Variants in KCNH7 observed in about 807,000 individuals in gnomAD.
The protein encoded by KCNH7 is voltage-gated inwardly rectifying potassium channel KCNH7.
KCNH7 carries 49 observed loss-of-function variants against 120.8 expected under a neutral mutation model. That is an observed-to-expected ratio of 0.41 (90% confidence interval 0.32 to 0.51). KCNH7 has a LOEUF of 0.51. Ranked by LOEUF, KCNH7 falls within the 20% of genes least tolerant of loss-of-function variation. The pLI is 0.38. For synonymous variants in KCNH7, 547 were observed against 516.1 expected, an observed-to-expected ratio of 1.06 and a Z score of -0.81; for missense variants, 1,097 against 1,446.6, an observed-to-expected ratio of 0.76 and a Z score of 3.92.
chr2:162,735,337 G>C (rs953740347), intron 2 of KCNH7, among the ~76,000 whole-genome samples: 1 of 152,088 alleles, frequency 6.6e-6, no homozygotes, highest in Non-Finnish European at 1.5e-5. Flanking sequence ...CACATGACAA[G>C]GTTAAAATTA....
At chr2:162,653,331 C>A (rs1371954026) in intron 2 of KCNH7, among the ~76,000 whole-genome samples, 1 of 152,242 alleles carries the variant, frequency 6.6e-6, no homozygotes, top group East Asian at 1.9e-4. Flanking sequence ...AGGACATGAT[C>A]TCAGATTTCA....
chr2:162,458,263 T>C (rs1198379384), intron 6 of KCNH7, among the ~76,000 whole-genome samples: 4 of 152,164 alleles, frequency 2.6e-5, no homozygotes, highest in Non-Finnish European at 5.9e-5. Context: ...AAAATATGTA[T>C]GAGTCTCAGA....
intron 2 of KCNH7, among the ~76,000 whole-genome samples, chr2:162,749,499 G>GTAAAT (rs1347690628): frequency 6.6e-6 from 1 of 152,074 alleles, no homozygotes; most frequent in Admixed American, 6.6e-5. Flanking sequence ...TAATACATAA[G>GTAAAT]TAAATTATAT....
intron 2 of KCNH7, among the ~76,000 whole-genome samples, chr2:162,626,444 AG>A (rs1683561593): frequency 1.3e-5 from 2 of 152,162 alleles, no homozygotes; most frequent in African/African-American, 4.8e-5. Context: ...TTAACATGAG[AG>A]AAAACTGGAA....
At chr2:162,460,528 C>A (rs1470527406) in intron 6 of KCNH7, among the ~76,000 whole-genome samples, 6 of 152,098 alleles carry the variant, frequency 3.9e-5, no homozygotes, top group Admixed American at 6.6e-5. Context: ...GACAGAAACC[C>A]AGGAAGAATG....
chr2:162,535,885 A>G (rs1285544157), intron 3 of KCNH7, among the ~76,000 whole-genome samples: 1 of 151,838 alleles, frequency 6.6e-6, no homozygotes, highest in Non-Finnish European at 1.5e-5. Context: ...TTTAGTGTGT[A>G]ATAAAGGTGG....
At chr2:162,604,478 A>C (rs7558590) in intron 2 of KCNH7, among the ~76,000 whole-genome samples, 95,433 of 151,926 alleles carry the variant, frequency 0.63, 31,313 homozygotes, top group African/African-American at 0.81. Flanking sequence ...GTTAAGGATT[A>C]CCAGATCCAT....
intron 2 of KCNH7, among the ~76,000 whole-genome samples, chr2:162,710,935 T>C (rs1686906049): frequency 6.6e-6 from 1 of 152,174 alleles, no homozygotes; most frequent in Non-Finnish European, 1.5e-5. Flanking sequence ...AAACCGCCAT[T>C]TTGCAATTTT....
intron 2 of KCNH7, among the ~76,000 whole-genome samples, chr2:162,735,701 C>G (rs968523569): frequency 1.3e-5 from 2 of 152,140 alleles, no homozygotes; most frequent in Non-Finnish European, 2.9e-5. Flanking sequence ...CACAAAATTA[C>G]CCTTAAAAAG....
chr2:162,517,666 A>G (rs1035096476), intron 4 of KCNH7, 64 bp downstream of exon 4: 91 of 1,307,612 alleles, frequency 7.0e-5, no homozygotes, highest in Non-Finnish European at 9.3e-5. Context: ...ATTTCAAACA[A>G]TATGCAAATA....
chr2:162,412,266 AC>A (rs1041405911), intron 9 of KCNH7, among the ~76,000 whole-genome samples: 4 of 152,064 alleles, frequency 2.6e-5, no homozygotes, highest in Admixed American at 2.0e-4. Context: ...TAAAGGTAAA[AC>A]TTTTTAAGAA....
intron 2 of KCNH7, among the ~76,000 whole-genome samples, chr2:162,567,012 C>A (rs1449354551): frequency 6.6e-6 from 1 of 151,886 alleles, no homozygotes; most frequent in Non-Finnish European, 1.5e-5. Flanking sequence ...AAAGGCAGGC[C>A]TGTTAGTATA....
rs1490859025 is a variant in KCNH7, at chr2:162,473,648, G to T, written c.1129-27205C>A. Among the ~76,000 whole-genome samples the T allele has an allele frequency of 2.0e-5, 3 of 152,158 alleles. No homozygotes were observed. The East Asian group carries it at 5.8e-4, about 29-fold the overall frequency. On this transcript the variant is annotated intron_variant, in intron 6 of 15. Coordinates refer to ENST00000332142, the MANE Select transcript of KCNH7 (RefSeq NM_033272.4). ...TTCATTAAGGACATATTTATTATATGCCAGGCACTGGGCTAGGCTCTGTGG... is the reference window on the plus strand; with the variant it reads ...TTCATTAAGGACATATTTATTATATTCCAGGCACTGGGCTAGGCTCTGTGG...
chr2:162,609,104 T>C (rs577519884), intron 2 of KCNH7, among the ~76,000 whole-genome samples: 2 of 152,250 alleles, frequency 1.3e-5, no homozygotes, highest in South Asian at 2.1e-4. Context: ...TGCTGAGACA[T>C]CACATTTTCA....
intron 6 of KCNH7, among the ~76,000 whole-genome samples, chr2:162,486,702 A>G (rs1690107283): frequency 6.6e-6 from 1 of 152,182 alleles, no homozygotes; most frequent in South Asian, 2.1e-4. Flanking sequence ...TGAGTTGCAC[A>G]TATAGCCCAC....
chr2:162,696,352 C>G (rs896590323), intron 2 of KCNH7, among the ~76,000 whole-genome samples: 2 of 152,074 alleles, frequency 1.3e-5, no homozygotes. Context: ...GCATCTATTA[C>G]TTGTGTAATG....
chr2:162,765,663 G>T (rs2105460314), intron 2 of KCNH7, among the ~76,000 whole-genome samples: 1 of 152,264 alleles, frequency 6.6e-6, no homozygotes, highest in South Asian at 2.1e-4. Context: ...CTTTCATGGA[G>T]CTGGCTCAAT....
chr2:162,813,499 G>T (rs1010796615), intron 2 of KCNH7, among the ~76,000 whole-genome samples: 1 of 152,122 alleles, frequency 6.6e-6, no homozygotes, highest in African/African-American at 2.4e-5. Flanking sequence ...AAATCTTTGG[G>T]TTAGCACTTT....
chr2:162,770,824 C>A (rs550669611), intron 2 of KCNH7, among the ~76,000 whole-genome samples: 13 of 152,042 alleles, frequency 8.6e-5, no homozygotes, highest in Non-Finnish European at 7.4e-5. Context: ...TTGCAACTAA[C>A]GTCCCACTAG....
Sources: allele counts gnomAD v4.1 joint callset (sites outside exome capture counted in the v4.1 genomes callset), GRCh38; gene constraint gnomAD v4.1.1; transcripts MANE v1.5; gene names NCBI Gene and HGNC (gene_info 2026-07-23, HGNC 2026-07-21).